The following RBFOX1 variants were observed in gnomAD, a reference collection of about 807,000 sequenced individuals.
RBFOX1 encodes RNA binding protein fox-1 homolog 1.
Under a neutral mutation model 57.7 loss-of-function variants are expected in RBFOX1, and 8 were observed. That is an observed-to-expected ratio of 0.14 (90% CI 0.08 to 0.25). RBFOX1 has a LOEUF of 0.25. Among genes scored for constraint, RBFOX1 ranks in the 10% least tolerant of loss-of-function variants. The probability of loss-of-function intolerance (pLI) is 1.00; values close to 1 mark genes in which losing one functional copy is unlikely to be tolerated. For synonymous variants in RBFOX1, 326 were observed against 222.4 expected (o/e 1.47, Z -4.15); for missense variants, 611 against 548.5 (o/e 1.11, Z -1.14).
intron 1 of RBFOX1, chr16:5,366,345 G>C (rs1052538786): frequency 1.7e-5 from 6 of 363,054 alleles, no homozygotes; most frequent in African/African-American, 8.6e-5. Flanking sequence ...TGATGATGAT[G>C]ATTTTGATAA....
intron 2 of RBFOX1, among the ~76,000 whole-genome samples, chr16:6,620,044 C>T (rs1213576685): frequency 2.0e-5 from 3 of 152,138 alleles, no homozygotes; most frequent in African/African-American, 7.2e-5. Context: ...TAATCTTATT[C>T]TTTCTTATGG....
In RBFOX1 at chr16:6,866,516, T is replaced by A. The variant is rs946334892; in HGVS notation, c.-15-185541T>A. ...AAAGGACTTTTTTTAAAAAAAAAAATAAGGTTAGGGCTTTCTTTCCTTCTA... is the reference window on the plus strand; with the variant it reads ...AAAGGACTTTTTTTAAAAAAAAAAAAAAGGTTAGGGCTTTCTTTCCTTCTA... On this transcript the variant is annotated intron_variant, in intron 3 of 15. Coordinates refer to ENST00000550418, the MANE Select transcript of RBFOX1 (RefSeq NM_018723.4). Among the ~76,000 whole-genome samples, 749 of 144,038 alleles carry A rather than the reference T, an allele frequency of 5.2e-3. 15 individuals carry two copies. Among genetic ancestry groups the A allele is most frequent in the African/African-American group, 0.018 (707 of 38,854 alleles). 94.5% of individuals were successfully genotyped at this position (144,038 alleles called of 152,430 possible).
intron 4 of RBFOX1, among the ~76,000 whole-genome samples, chr16:7,114,752 T>A (rs1333524362): frequency 6.6e-6 from 1 of 152,212 alleles, no homozygotes; most frequent in African/African-American, 2.4e-5. Context: ...ATGGAAACTT[T>A]GCTTTCTGTT....
chr16:6,884,166 C>T (rs979004520), intron 3 of RBFOX1, among the ~76,000 whole-genome samples: 5 of 152,170 alleles, frequency 3.3e-5, no homozygotes, highest in Non-Finnish European at 5.9e-5. Context: ...AAGCTGCTTC[C>T]GAGGCCCCTT....
intron 3 of RBFOX1, among the ~76,000 whole-genome samples, chr16:6,816,143 A>G (rs1194750472): frequency 2.0e-5 from 3 of 152,156 alleles, no homozygotes; most frequent in African/African-American, 7.2e-5. Context: ...CCCCGTCTCT[A>G]CAAAATTTTT....
In RBFOX1 at chr16:6,004,119, G is replaced by A. The variant is rs34656971; in HGVS notation, c.351+136784G>A. On this transcript the variant is annotated intron_variant, in intron 4 of 19. Coordinates refer to the RBFOX1 transcript ENST00000641259. The stretch of plus-strand genomic sequence containing the variant: ...CCAAGGTGATGGGTTGATAGGTGCA[G>A]CAAACCACCATAGCACACGTTTGCC... Among the ~76,000 whole-genome samples the A allele has an allele frequency of 5.8e-3, 885 of 152,254 alleles. 12 individuals are homozygous for A. The highest frequency in any genetic ancestry group is 7.9e-3 in the Non-Finnish European group (534 of 68,008).
intron 4 of RBFOX1, among the ~76,000 whole-genome samples, chr16:7,323,243 C>T (rs910890476): frequency 3.3e-5 from 5 of 152,026 alleles, no homozygotes; most frequent in African/African-American, 4.8e-5. Context: ...GGCAACACAG[C>T]GAGACCCCCA....
intron 4 of RBFOX1, among the ~76,000 whole-genome samples, chr16:5,922,673 A>G (rs2058850551): frequency 6.6e-6 from 1 of 152,198 alleles, no homozygotes; most frequent in African/African-American, 2.4e-5. Flanking sequence ...CCACCCTCAT[A>G]TAATTTATTT....
At chr16:5,590,696 G>A (rs1280095172) in intron 2 of RBFOX1, among the ~76,000 whole-genome samples, 3 of 152,128 alleles carry the variant, frequency 2.0e-5, no homozygotes, top group Admixed American at 6.6e-5. Flanking sequence ...ATTGCCTTTT[G>A]GTCACCCTAC....
At chr16:6,325,274 A>C (rs934453473) in intron 2 of RBFOX1, among the ~76,000 whole-genome samples, 2 of 152,202 alleles carry the variant, frequency 1.3e-5, no homozygotes, top group African/African-American at 4.8e-5. Flanking sequence ...CAGGAGGATC[A>C]CATGAGCCCA....
chr16:5,290,916 C>T lies in RBFOX1; in HGVS notation c.219+50811C>T, dbSNP rs192778149. 5.3e-3 allele frequency among the ~76,000 whole-genome samples: 802 copies of T among 152,224 alleles called. 3 individuals carry two copies. Among genetic ancestry groups the T allele is most frequent in the Non-Finnish European group, 8.6e-3 (586 of 68,012 alleles). On this transcript the variant is annotated intron_variant, in intron 1 of 2. Transcript: ENST00000585867. ...GTTTCACCATGTTGACCAGGCTGGTCTCAAACTCCTGGATCTCAGGTGATG... is the reference window on the plus strand; with the variant it reads ...GTTTCACCATGTTGACCAGGCTGGTTTCAAACTCCTGGATCTCAGGTGATG...
At chr16:5,955,580 A>G (rs867648763) in intron 4 of RBFOX1, among the ~76,000 whole-genome samples, 3 of 152,110 alleles carry the variant, frequency 2.0e-5, no homozygotes, top group South Asian at 2.1e-4. Context: ...TTGTTGAAAT[A>G]AATGTATAAG....
chr16:6,574,460 G>A (rs1194156794), intron 2 of RBFOX1, among the ~76,000 whole-genome samples: 2 of 117,358 alleles, frequency 1.7e-5, no homozygotes, highest in Non-Finnish European at 3.3e-5. Flanking sequence ...ACTGAGTCTT[G>A]CTCTGTCGCT....
chr16:5,376,141 C>T (rs2065977348), intron 1 of RBFOX1, among the ~76,000 whole-genome samples: 1 of 150,544 alleles, frequency 6.6e-6, no homozygotes, highest in Non-Finnish European at 1.5e-5. Flanking sequence ...GCTTTCCAGC[C>T]TGGGTGACAG....
chr16:5,758,587 A>G (rs2053479917), intron 3 of RBFOX1, among the ~76,000 whole-genome samples: 1 of 152,212 alleles, frequency 6.6e-6, no homozygotes, highest in Admixed American at 6.5e-5. Flanking sequence ...GAATGCAAGA[A>G]TGTAGTGTCT....
chr16:7,356,744 T>A (rs2097220893), intron 4 of RBFOX1, among the ~76,000 whole-genome samples: 1 of 152,226 alleles, frequency 6.6e-6, no homozygotes, highest in Non-Finnish European at 1.5e-5. Flanking sequence ...GTGTTAACAG[T>A]TTTCTTAAAA....
intron 2 of RBFOX1, among the ~76,000 whole-genome samples, chr16:6,509,982 T>G (rs1020181135): frequency 8.5e-5 from 13 of 152,288 alleles, no homozygotes; most frequent in Non-Finnish European, 1.8e-4. Flanking sequence ...TTGGCCAACC[T>G]TAGACAATTG....
At chr16:6,791,098 G>C (rs1459897674) in intron 3 of RBFOX1, among the ~76,000 whole-genome samples, 1 of 151,846 alleles carries the variant, frequency 6.6e-6, no homozygotes, top group Non-Finnish European at 1.5e-5. Flanking sequence ...GTAGGGATGG[G>C]GTTTTGCCAT....
At chr16:5,845,055 G>T (rs1026053602) in intron 3 of RBFOX1, among the ~76,000 whole-genome samples, 44 of 132,780 alleles carry the variant, frequency 3.3e-4, no homozygotes, top group African/African-American at 1.3e-3. Flanking sequence ...CTAATTACCC[G>T]AGATTCTTTT....
Sources: gnomAD v4.1 joint callset for allele counts (sites outside exome capture counted in the v4.1 genomes callset) on GRCh38, gnomAD v4.1.1 for gene constraint, MANE v1.5 for transcripts, NCBI Gene and HGNC (gene_info 2026-07-23, HGNC 2026-07-21) for gene names.